The following MCM5 variants were observed in gnomAD, a reference collection of about 807,000 sequenced individuals.
MCM5 encodes the protein minichromosome maintenance complex component 5.
MCM5 carries 46 observed loss-of-function variants against 79.9 expected under a neutral mutation model. That is an observed-to-expected ratio of 0.58 (90% confidence interval 0.45 to 0.74). The LOEUF (loss-of-function observed/expected upper bound fraction) is 0.74, where lower values mean the gene tolerates loss of function less well. Among genes scored for constraint, MCM5 ranks in the 30% least tolerant of loss-of-function variants. The probability of loss-of-function intolerance (pLI) is 0.00; values close to 1 mark genes in which losing one functional copy is unlikely to be tolerated. For missense variants in MCM5, 883 were observed against 1,017.0 expected (o/e 0.87, Z 1.79); for synonymous variants, 404 against 390.5 (o/e 1.03, Z -0.41).
At chr22:35,452,909 C>T in the MCM5 span, among the ~76,000 whole-genome samples, 14 of 152,270 alleles carry the variant, frequency 9.2e-5, no homozygotes, top group African/African-American at 3.4e-4. Flanking sequence ...CTTCATGTCA[C>T]TCTGGAGCAC....
chr22:35,404,410 C>T (rs576079229), intron 4 of MCM5, among the ~76,000 whole-genome samples: 33 of 152,164 alleles, frequency 2.2e-4, no homozygotes, highest in Non-Finnish European at 4.0e-4. Context: ...GAAGCAGGAG[C>T]CATTATCCTG....
chr22:35,419,834 C>T lies in MCM5; in HGVS notation c.1704-50C>T, dbSNP rs571956279. The T allele has an allele frequency of 1.1e-5, 17 of 1,546,282 alleles. No individual in the cohort carries two copies. The East Asian group carries it at 3.8e-4, about 34-fold the overall frequency. On this transcript the variant is annotated intron_variant, in intron 13 of 16. Transcript: ENST00000216122. ...GGGGGCTGGGGGAAAGGGTAGGTGC[C>T]CTAAGAGTCCCTCCTGGCCTCACAC...
At chr22:35,452,031 C>T in the MCM5 span, among the ~76,000 whole-genome samples, 1 of 152,194 alleles carries the variant, frequency 6.6e-6, no homozygotes, top group Admixed American at 6.5e-5. Flanking sequence ...CTATCTCAGC[C>T]CCTGGCTTCT....
chr22:35,419,303 C>T (rs133426), intron 13 of MCM5, among the ~76,000 whole-genome samples: 90,671 of 152,064 alleles, frequency 0.6, 29,885 homozygotes, highest in African/African-American at 0.89. Context: ...ACATCAGTGA[C>T]TGTCAGTTGG....
At chr22:35,403,761 G>C (rs890205024) in intron 4 of MCM5, among the ~76,000 whole-genome samples, 1 of 152,150 alleles carries the variant, frequency 6.6e-6, no homozygotes, top group Non-Finnish European at 1.5e-5. Context: ...GCTTCACCCA[G>C]ATTTAATAAT....
the MCM5 span, among the ~76,000 whole-genome samples, chr22:35,451,042 T>C: frequency 2.6e-5 from 4 of 152,156 alleles, no homozygotes; most frequent in African/African-American, 7.2e-5. Flanking sequence ...TGCTGTCCTT[T>C]CTTTCCCGGA....
chr22:35,442,967 C>T, the MCM5 span, among the ~76,000 whole-genome samples: 4 of 152,122 alleles, frequency 2.6e-5, no homozygotes, highest in African/African-American at 9.7e-5. Context: ...CTCACGGGGT[C>T]CTAGCTCCTG....
At chr22:35,406,417 G>C (rs1025989170) in intron 4 of MCM5, 136 bp from the exon 5 acceptor site, 17 of 723,112 alleles carry the variant, frequency 2.4e-5, no homozygotes, top group Non-Finnish European at 2.2e-6. Flanking sequence ...TTTTTTGAGC[G>C]GAACAGAAGA....
chr22:35,405,182 C>T lies in MCM5; in HGVS notation c.424-1371C>T, dbSNP rs532040245. On this transcript the variant is annotated intron_variant, in intron 4 of 16. Transcript: ENST00000216122. ...TTGGAATTACAGGCACACACCACCACGCCCGGCTAATTTTTAGTAGAGATG... is the reference window on the plus strand; with the variant it reads ...TTGGAATTACAGGCACACACCACCATGCCCGGCTAATTTTTAGTAGAGATG... Among the ~76,000 whole-genome samples, 13 of 151,996 alleles carry T rather than the reference C, an allele frequency of 8.6e-5. No homozygotes were observed. In the South Asian group the frequency reaches 1.7e-3, roughly 19 times the overall value.
intron 2 of MCM5, among the ~76,000 whole-genome samples, chr22:35,402,663 A>C (rs1333750341): frequency 1.3e-5 from 2 of 151,698 alleles, no homozygotes; most frequent in African/African-American, 2.4e-5. Flanking sequence ...AGGCATTCTC[A>C]TGCCTCAGTA....
chr22:35,417,932 C>T, intron 13 of MCM5, 76 bp downstream of exon 13: 2 of 951,904 alleles, frequency 2.1e-6, no homozygotes, highest in Non-Finnish European at 3.4e-6. Flanking sequence ...GTCCCCTGGT[C>T]CTGCTCCTCC....
chr22:35,441,908 A>G, the MCM5 span, among the ~76,000 whole-genome samples: 1 of 152,230 alleles, frequency 6.6e-6, no homozygotes, highest in South Asian at 2.1e-4. Context: ...CAAAGCCACA[A>G]GCCGGGCCTC....
intron 5 of MCM5, among the ~76,000 whole-genome samples, chr22:35,407,734 C>T (rs28610878): frequency 1.3e-5 from 2 of 152,204 alleles, no homozygotes; most frequent in Admixed American, 6.5e-5. Flanking sequence ...GCACGTACCT[C>T]GTCTCTCCCA....
the MCM5 span, among the ~76,000 whole-genome samples, chr22:35,441,688 G>A: frequency 6.6e-6 from 1 of 152,152 alleles, no homozygotes; most frequent in African/African-American, 2.4e-5. Context: ...CTGAGGCCCT[G>A]TGGCTTCAGT....
At position 35,424,266 on chromosome 22, in the gene MCM5, C is replaced by CG. The variant is rs1487111911; in HGVS notation, c.*11_*12insG. The CG allele has an allele frequency of 1.1e-5, 17 of 1,529,580 alleles. No homozygotes were observed. The Admixed American group carries it at 3.2e-4, about 29-fold the overall frequency. 94.8% of individuals were successfully genotyped at this position (1,529,580 alleles called of 1,614,324 possible). ...TACCGCCTCAAGTGAGTCGCGCCGCCTCACTGGACTCATGGACTCGCCCAC... is the reference window on the plus strand; with the variant it reads ...TACCGCCTCAAGTGAGTCGCGCCGCCGTCACTGGACTCATGGACTCGCCCAC... On this transcript the variant is annotated 3_prime_UTR_variant, in exon 17 of 17. Transcript: ENST00000216122.
At chr22:35,431,072 G>A in the MCM5 span, among the ~76,000 whole-genome samples, 3 of 152,124 alleles carry the variant, frequency 2.0e-5, no homozygotes, top group South Asian at 2.1e-4. Flanking sequence ...CTCTCCAGGC[G>A]CTCCCAGGGA....
chr22:35,405,556 G>A (rs981115139), intron 4 of MCM5, among the ~76,000 whole-genome samples: 3 of 151,522 alleles, frequency 2.0e-5, no homozygotes, highest in African/African-American at 4.8e-5. Context: ...TAGTAGAGAC[G>A]GGGATTCACC....
intron 9 of MCM5, among the ~76,000 whole-genome samples, chr22:35,415,356 T>G (rs1932510496): frequency 1.3e-5 from 2 of 152,252 alleles, no homozygotes; most frequent in Non-Finnish European, 2.9e-5. Flanking sequence ...GTGCGTATTT[T>G]GCACGATTAA....
chr22:35,425,528 G>C (rs1932771572), downstream of MCM5: 1 of 152,120 alleles, frequency 6.6e-6, no homozygotes, highest in Non-Finnish European at 1.5e-5. Flanking sequence ...GGGAAATGGA[G>C]AGATGAGAGG....
Sources: allele counts gnomAD v4.1 joint callset (sites outside exome capture counted in the v4.1 genomes callset), GRCh38; gene constraint gnomAD v4.1.1; transcripts MANE v1.5; gene names NCBI Gene and HGNC (gene_info 2026-07-23, HGNC 2026-07-21).